Variants in SIK3 observed in about 807,000 individuals in gnomAD.
The protein encoded by SIK3 is serine/threonine-protein kinase SIK3.
A neutral mutation model predicts 144.2 loss-of-function variants in SIK3; 28 were observed. The ratio of observed to expected loss-of-function variants is 0.19; its 90% CI spans 0.14 to 0.27. The LOEUF (loss-of-function observed/expected upper bound fraction) is 0.27, where lower values mean the gene tolerates loss of function less well. SIK3 is among the 10% of genes least tolerant of loss of function. SIK3 has a pLI of 1.00. For missense variants in SIK3, 1,319 were observed against 1,776.0 expected, an observed-to-expected ratio of 0.74 and a Z score of 4.62; for synonymous variants, 686 against 676.3, an observed-to-expected ratio of 1.01 and a Z score of -0.22.
intron 1 of SIK3, among the ~76,000 whole-genome samples, chr11:117,067,933 G>A (rs1214110319): frequency 2.0e-5 from 3 of 152,014 alleles, no homozygotes; most frequent in South Asian, 2.1e-4. Context: ...GCAGTGAGCC[G>A]AGATCGCGCC....
chr11:117,005,943 G>A (rs1010166359), intron 1 of SIK3, among the ~76,000 whole-genome samples: 3 of 152,088 alleles, frequency 2.0e-5, no homozygotes, highest in African/African-American at 7.2e-5. Flanking sequence ...TGAGGTGCTG[G>A]GAGAATGACC....
At chr11:116,885,683 CTA>C (rs1237154701) in intron 6 of SIK3, among the ~76,000 whole-genome samples, 1 of 152,194 alleles carries the variant, frequency 6.6e-6, no homozygotes, top group Admixed American at 6.5e-5. Context: ...TATATCCATT[CTA>C]TGACTCTCTT....
chr11:117,041,354 C>T (rs1174598978), intron 1 of SIK3, among the ~76,000 whole-genome samples: 2 of 152,228 alleles, frequency 1.3e-5, no homozygotes, highest in East Asian at 3.9e-4. Context: ...AGGCTACATG[C>T]CCCACCCTCA....
At chr11:116,953,000 T>C (rs1948998973) in intron 3 of SIK3, among the ~76,000 whole-genome samples, 1 of 151,998 alleles carries the variant, frequency 6.6e-6, no homozygotes, top group South Asian at 2.1e-4. Flanking sequence ...AAATATAAAA[T>C]TAAGAAATAA....
In SIK3 at chr11:117,088,739, C is replaced by T. The variant is rs532013686; in HGVS notation, c.273+9404G>A. The stretch of plus-strand genomic sequence containing the variant: ...TTGCCCAGGCTGGAGTTCAGTGGTG[C>T]GATCATAGCTCACAGAAACCTTGAC... On this transcript the variant is annotated intron_variant, in intron 1 of 24. Coordinates refer to ENST00000445177, the MANE Select transcript of SIK3 (RefSeq NM_001366686.3). Among the ~76,000 whole-genome samples the T allele has an allele frequency of 1.6e-4, 25 of 152,142 alleles. 1 individual carries two copies. Among genetic ancestry groups the T allele is most frequent in the Non-Finnish European group, 2.9e-4 (20 of 67,992 alleles).
At chr11:117,049,263 G>C (rs553492160) in intron 1 of SIK3, among the ~76,000 whole-genome samples, 3 of 152,174 alleles carry the variant, frequency 2.0e-5, no homozygotes, top group Admixed American at 2.0e-4. Context: ...ATAAATTCTA[G>C]GGAGGGATAT....
chr11:117,018,147 C>T (rs1951614502), intron 1 of SIK3, among the ~76,000 whole-genome samples: 1 of 152,104 alleles, frequency 6.6e-6, no homozygotes, highest in African/African-American at 2.4e-5. Flanking sequence ...ACAGTTGTCC[C>T]TCGGTATACT....
At chr11:117,026,435 T>C (rs563342148) in intron 1 of SIK3, among the ~76,000 whole-genome samples, 1 of 152,266 alleles carries the variant, frequency 6.6e-6, no homozygotes, top group Non-Finnish European at 1.5e-5. Flanking sequence ...CAATATGATA[T>C]ATCATGAATG....
At chr11:116,931,538 A>AT (rs1947602780) in intron 3 of SIK3, among the ~76,000 whole-genome samples, 1 of 152,226 alleles carries the variant, frequency 6.6e-6, no homozygotes, top group African/African-American at 2.4e-5. Context: ...CTAGCTGAAA[A>AT]TGAACATACC....
At chr11:116,936,516 C>G (rs1170047146) in intron 3 of SIK3, among the ~76,000 whole-genome samples, 1 of 152,180 alleles carries the variant, frequency 6.6e-6, no homozygotes, top group East Asian at 1.9e-4. Context: ...TAACCTAGTT[C>G]TCCTCCTGAA....
chr11:117,077,936 C>T (rs1052413006), intron 1 of SIK3, among the ~76,000 whole-genome samples: 3 of 152,176 alleles, frequency 2.0e-5, no homozygotes, highest in East Asian at 1.9e-4. Flanking sequence ...CTAAAATCCA[C>T]GGTTAGGCTT....
At chr11:117,097,955 T>G (rs1955553728) in intron 1 of SIK3, among the ~76,000 whole-genome samples, 188 bp downstream of exon 1, 1 of 151,380 alleles carries the variant, frequency 6.6e-6, no homozygotes, top group African/African-American at 2.4e-5. Context: ...TGCTTGGAGT[T>G]CCGCCGTCTC....
rs1405509070 is a variant in SIK3 at position 116,845,234 on chromosome 11, C to CT, written c.*408dup. 1 of 151,764 alleles carries CT rather than the reference C, an allele frequency of 6.6e-6. No individual in the cohort carries two copies. Among genetic ancestry groups the CT allele is most frequent in the Non-Finnish European group, 1.5e-5 (1 of 67,996 alleles). 9.4% of individuals were successfully genotyped at this position (151,764 alleles called of 1,614,324 possible). ...CCCTGAGGCCGCTGGCCTCTGAACTCTAACTGCTTTGCTCTCCTGTTTCAA... is the reference window on the plus strand; with the variant it reads ...CCCTGAGGCCGCTGGCCTCTGAACTCTTAACTGCTTTGCTCTCCTGTTTCAA... On this transcript the variant is annotated 3_prime_UTR_variant, in exon 25 of 25. Coordinates refer to ENST00000445177, the MANE Select transcript of SIK3 (RefSeq NM_001366686.3).
At chr11:117,089,990 TA>T (rs1955173307) in intron 1 of SIK3, among the ~76,000 whole-genome samples, 1 of 152,222 alleles carries the variant, frequency 6.6e-6, no homozygotes, top group Admixed American at 6.5e-5. Flanking sequence ...GTTCCTAACA[TA>T]ACTTACTGAT....
intron 1 of SIK3, among the ~76,000 whole-genome samples, chr11:117,090,376 T>C (rs887626450): frequency 1.3e-5 from 2 of 151,648 alleles, no homozygotes; most frequent in Non-Finnish European, 2.9e-5. Flanking sequence ...TTGTGTTTAC[T>C]TAGGATAATG....
intron 13 of SIK3, among the ~76,000 whole-genome samples, chr11:116,872,939 C>G (rs1469429820): frequency 1.3e-5 from 2 of 152,172 alleles, no homozygotes; most frequent in African/African-American, 2.4e-5. Context: ...GAAAAAAAAT[C>G]TCTGAATGTG....
chr11:117,081,977 G>A (rs1326311466), intron 1 of SIK3, among the ~76,000 whole-genome samples: 1 of 152,094 alleles, frequency 6.6e-6, no homozygotes, highest in Non-Finnish European at 1.5e-5. Flanking sequence ...ATGGGCAAAG[G>A]ATGTTAATAG....
chr11:117,094,030 C>G (rs968951901), intron 1 of SIK3, among the ~76,000 whole-genome samples: 1 of 152,132 alleles, frequency 6.6e-6, no homozygotes, highest in Non-Finnish European at 1.5e-5. Flanking sequence ...TTTACATACA[C>G]TATCTTCTTT....
At chr11:116,959,546 G>A (rs1232674545) in intron 1 of SIK3, among the ~76,000 whole-genome samples, 1 of 152,164 alleles carries the variant, frequency 6.6e-6, no homozygotes, top group Non-Finnish European at 1.5e-5. Flanking sequence ...CAATGTAACT[G>A]GGGAAAAGCG....
Sources: allele counts gnomAD v4.1 joint callset (sites outside exome capture counted in the v4.1 genomes callset), GRCh38; gene constraint gnomAD v4.1.1; transcripts MANE v1.5; gene names NCBI Gene and HGNC (gene_info 2026-07-23, HGNC 2026-07-21).